Variants in SLC5A4 observed in about 807,000 individuals in gnomAD.
SLC5A4 encodes solute carrier family 5 member 4.
Under a neutral mutation model 70.3 loss-of-function variants are expected in SLC5A4, and 55 were observed. The observed-to-expected ratio is 0.78, with a 90% CI of 0.63 to 0.98. SLC5A4 has a LOEUF of 0.98. SLC5A4 is among the 50% of genes least tolerant of loss of function. SLC5A4 has a pLI of 0.00. For synonymous variants in SLC5A4, 268 were observed against 305.7 expected, an observed-to-expected ratio of 0.88 and a Z score of 1.29; for missense variants, 735 against 839.2, an observed-to-expected ratio of 0.88 and a Z score of 1.53.
In SLC5A4 at chr22:32,224,406, CCT is replaced by C; in HGVS notation, c.1524_1525del (p.Gly509GlufsTer7). On this transcript the variant is annotated frameshift_variant, in exon 13 of 15. Transcript: ENST00000266086. LOFTEE classifies it high-confidence loss of function. ...ACAGTTACTGGGAGCCAAGCAACTCCCTGTTCCATAAGCAAACTCTGTTATCA... is the reference window on the plus strand; with the variant it reads ...ACAGTTACTGGGAGCCAAGCAACTCCGTTCCATAAGCAAACTCTGTTATCA... 6.2e-7 allele frequency: 1 copy of C among 1,614,074 alleles called. No homozygotes were observed. The highest frequency in any genetic ancestry group is 8.5e-7 in the Non-Finnish European group (1 of 1,179,984).
chr22:32,303,926 A>G, the SLC5A4 span, among the ~76,000 whole-genome samples: 1 of 152,180 alleles, frequency 6.6e-6, no homozygotes, highest in Non-Finnish European at 1.5e-5. Flanking sequence ...GCAGTGAATG[A>G]GAGCTCCTGT....
At chr22:32,334,702 G>A in the SLC5A4 span, among the ~76,000 whole-genome samples, 1 of 152,234 alleles carries the variant, frequency 6.6e-6, no homozygotes, top group African/African-American at 2.4e-5. Context: ...GCTGTCAACG[G>A]TGAGATGTCC....
chr22:32,230,532 G>T (rs1284544879), intron 10 of SLC5A4, among the ~76,000 whole-genome samples: 1 of 152,076 alleles, frequency 6.6e-6, no homozygotes, highest in Non-Finnish European at 1.5e-5. Context: ...AATAGATTGA[G>T]ATCTATTATT....
intron 6 of SLC5A4, 119 bp from the exon 7 acceptor site, chr22:32,237,443 AG>A: frequency 1.6e-6 from 1 of 634,762 alleles, no homozygotes; most frequent in Non-Finnish European, 2.7e-6. Flanking sequence ...AGACATCAAA[AG>A]CTCCTGGGTG....
chr22:32,323,171 G>C, the SLC5A4 span, among the ~76,000 whole-genome samples: 1 of 152,126 alleles, frequency 6.6e-6, no homozygotes, highest in Non-Finnish European at 1.5e-5. Context: ...TTACAGCTTA[G>C]CTCTGTCCAC....
chr22:32,297,041 C>T, the SLC5A4 span, among the ~76,000 whole-genome samples: 1 of 149,492 alleles, frequency 6.7e-6, no homozygotes, highest in Non-Finnish European at 1.5e-5. Flanking sequence ...TGATGTGCTG[C>T]TGGATTCGTT....
the SLC5A4 span, among the ~76,000 whole-genome samples, chr22:32,306,194 G>T: frequency 6.6e-6 from 1 of 152,182 alleles, no homozygotes. Context: ...GGCCGGGCGC[G>T]GTGGCTCACG....
chr22:32,229,465 A>T (rs750533251), intron 10 of SLC5A4, 121 bp from the exon 11 acceptor site: 68 of 970,416 alleles, frequency 7.0e-5, no homozygotes, highest in Non-Finnish European at 4.8e-5. Context: ...CCTTATCAAT[A>T]CACATCAGCA....
the SLC5A4 span, among the ~76,000 whole-genome samples, chr22:32,313,341 C>T: frequency 6.6e-6 from 1 of 152,182 alleles, no homozygotes; most frequent in African/African-American, 2.4e-5. Flanking sequence ...CTTTTACCCT[C>T]AAAAGTATTC....
At chr22:32,306,909 G>GCT in the SLC5A4 span, among the ~76,000 whole-genome samples, 1 of 63,138 alleles carries the variant, frequency 1.6e-5, no homozygotes, top group Admixed American at 2.0e-4. Flanking sequence ...CCAAGAAGAG[G>GCT]CGCTCTCTCT....
At chr22:32,229,431 T>C (rs1487233730) in intron 10 of SLC5A4, 87 bp from the exon 11 acceptor site, 3 of 1,403,666 alleles carry the variant, frequency 2.1e-6, no homozygotes, top group African/African-American at 2.8e-5. Flanking sequence ...AAAAGTATCA[T>C]CTGGAACATA....
At chr22:32,340,513 G>A in the SLC5A4 span, among the ~76,000 whole-genome samples, 89 of 152,324 alleles carry the variant, frequency 5.8e-4, no homozygotes, top group African/African-American at 1.9e-3. Flanking sequence ...TATGTCAGGC[G>A]GCGACGCACG....
the SLC5A4 span, among the ~76,000 whole-genome samples, chr22:32,299,370 C>T: frequency 6.4e-5 from 9 of 141,676 alleles, no homozygotes; most frequent in Non-Finnish European, 1.1e-4. Flanking sequence ...ATTCTTTTTT[C>T]TCTAAACTTC....
chr22:32,341,774 G>C, the SLC5A4 span, among the ~76,000 whole-genome samples: 3 of 152,158 alleles, frequency 2.0e-5, no homozygotes, highest in African/African-American at 7.2e-5. Flanking sequence ...GCCTAACGCT[G>C]CCTTTCTTGC....
the SLC5A4 span, among the ~76,000 whole-genome samples, chr22:32,335,473 A>T: frequency 1.3e-5 from 2 of 152,200 alleles, no homozygotes; most frequent in Non-Finnish European, 2.9e-5. Flanking sequence ...AAAAGAGGAT[A>T]GACTTTGGGG....
chr22:32,326,443 GAC>G, the SLC5A4 span, among the ~76,000 whole-genome samples: 1 of 151,916 alleles, frequency 6.6e-6, no homozygotes, highest in Non-Finnish European at 1.5e-5. Context: ...TTTTAGTAGA[GAC>G]AGTTTCACCC....
At chr22:32,249,912 T>A (rs995496728) in intron 3 of SLC5A4, among the ~76,000 whole-genome samples, 19 of 152,150 alleles carry the variant, frequency 1.2e-4, no homozygotes, top group African/African-American at 4.1e-4. Flanking sequence ...TTTGGTGATT[T>A]TTTTTTTAGG....
chr22:32,259,174 AC>A (rs1257065372), upstream of SLC5A4, among the ~76,000 whole-genome samples: 1 of 152,250 alleles, frequency 6.6e-6, no homozygotes, highest in African/African-American at 2.4e-5. Context: ...ACAATTAAGT[AC>A]TGTTTTGTAC....
chr22:32,219,275 T>C (rs1924911837), intron 14 of SLC5A4, among the ~76,000 whole-genome samples: 1 of 152,176 alleles, frequency 6.6e-6, no homozygotes, highest in African/African-American at 2.4e-5. Flanking sequence ...AGTAGCGTAT[T>C]GCAAAATCAT....
Sources: gnomAD v4.1 joint callset for allele counts (sites outside exome capture counted in the v4.1 genomes callset) on GRCh38, gnomAD v4.1.1 for gene constraint, MANE v1.5 for transcripts, NCBI Gene and HGNC (gene_info 2026-07-23, HGNC 2026-07-21) for gene names.